Variants in CLASRP observed in about 807,000 individuals in gnomAD.
The protein encoded by CLASRP is CLK4-associating serine/arginine rich protein.
Under a neutral mutation model 99.9 loss-of-function variants are expected in CLASRP, and 52 were observed. The ratio of observed to expected loss-of-function variants is 0.52; its 90% CI spans 0.42 to 0.66. The LOEUF is 0.66. Among genes scored for constraint, CLASRP ranks in the 30% least tolerant of loss-of-function variants. The probability of loss-of-function intolerance (pLI) is 0.00; values close to 1 mark genes in which losing one functional copy is unlikely to be tolerated. For synonymous variants in CLASRP, 379 were observed against 373.0 expected, an observed-to-expected ratio of 1.02 and a Z score of -0.18; for missense variants, 848 against 999.2, an observed-to-expected ratio of 0.85 and a Z score of 2.04.
intron 2 of CLASRP, among the ~76,000 whole-genome samples, chr19:45,043,601 C>T (rs1568410569): frequency 6.6e-6 from 1 of 151,974 alleles, no homozygotes. Flanking sequence ...ATTGATCCTT[C>T]GCAGGCACCC....
rs79997129 is a variant in CLASRP at position 45,057,725 on chromosome 19, T to G, written c.465-25T>G. On this transcript the variant is annotated intron_variant, in intron 6 of 20. Transcript: ENST00000221455. ...CCCTCATCTCCACTGGGCACGGCCC[T>G]GGCTTACCAGCTCCCCTTTCTCAGG... 3,755 of 1,613,418 alleles carry G rather than the reference T, an allele frequency of 2.3e-3. 82 individuals are homozygous for G. In the African/African-American group the frequency reaches 0.043, roughly 18 times the overall value.
chr19:45,068,200 T>A, intron 15 of CLASRP, 146 bp downstream of exon 15: 1 of 721,096 alleles, frequency 1.4e-6, no homozygotes, highest in Non-Finnish European at 2.5e-6. Context: ...TCTGCCCCTG[T>A]GAGAACCATG....
chr19:45,043,120 T>G (rs1290100075), intron 2 of CLASRP, among the ~76,000 whole-genome samples: 1 of 151,990 alleles, frequency 6.6e-6, no homozygotes, highest in Non-Finnish European at 1.5e-5. Context: ...TATCTCATTA[T>G]GAATAGACAA....
chr19:45,063,560 C>T (rs1296581572), intron 11 of CLASRP, among the ~76,000 whole-genome samples: 1 of 150,182 alleles, frequency 6.7e-6, no homozygotes, highest in African/African-American at 2.4e-5. Flanking sequence ...GTTCTCGTGC[C>T]CTCAGCCTCC....
In CLASRP at chr19:45,063,919, C is replaced by T; in HGVS notation, c.906-93C>T. 3 of 1,474,642 alleles carry T rather than the reference C, an allele frequency of 2.0e-6. 1 individual carries two copies. The South Asian group carries it at 4.1e-5, about 20-fold the overall frequency. The allele number at this position is 1,474,642 out of a possible 1,614,324, so 91.3% of individuals were successfully genotyped here. ...GCCTGGTTTCCCGGGTCGCTGTGGC[C>T]CGCGCTGGCGCTGCTGTTGATCTGC... On this transcript the variant is annotated intron_variant, in intron 11 of 20. Coordinates refer to ENST00000221455, the MANE Select transcript of CLASRP (RefSeq NM_007056.3).
chr19:45,070,399 A>G, intron 19 of CLASRP, 138 bp from the exon 20 acceptor site: 1 of 797,138 alleles, frequency 1.3e-6, no homozygotes, highest in East Asian at 2.4e-5. Flanking sequence ...CACAGATGGC[A>G]GCCACTGGAC....
intron 2 of CLASRP, among the ~76,000 whole-genome samples, chr19:45,046,841 A>G (rs1971926264): frequency 6.6e-6 from 1 of 152,198 alleles, no homozygotes; most frequent in Non-Finnish European, 1.5e-5. Flanking sequence ...CAGCCTGACC[A>G]ACATGGAGAA....
chr19:45,039,554 A>G (rs553034402), intron 1 of CLASRP: 2 of 152,010 alleles, frequency 1.3e-5, no homozygotes, highest in Non-Finnish European at 2.9e-5. Context: ...CCACCCCGCC[A>G]TCTAGATCCC....
chr19:45,059,173 C>T (rs1485084693), intron 7 of CLASRP, 95 bp from the exon 8 acceptor site: 29 of 980,400 alleles, frequency 3.0e-5, no homozygotes, highest in Admixed American at 8.1e-5. Flanking sequence ...CTCAGTCTGG[C>T]GGGCGCCCCA....
At chr19:45,057,727 G>T in intron 6 of CLASRP, 23 bp from the exon 7 acceptor site, 1 of 1,613,508 alleles carries the variant, frequency 6.2e-7, no homozygotes, top group Non-Finnish European at 8.5e-7. Context: ...CACGGCCCTG[G>T]CTTACCAGCT....
In CLASRP at chr19:45,062,187, C is replaced by T. The variant is rs761369068; in HGVS notation, c.897C>T (p.Pro299=). The change falls in exon 11 of 21, where the codon CCC becomes CCT. Residue 299 remains proline, a synonymous_variant. Coordinates refer to ENST00000221455, the MANE Select transcript of CLASRP (RefSeq NM_007056.3). ...GCCGAGACAGCCCCACCTATGACCC[C>T]TATAAGCGGTAAGTTGCTCTGGAGG... The part of the protein sequence containing the change: ...YARRDSPTYD[P]YKRSPSESSS... 3.8e-5 allele frequency: 58 copies of T among 1,534,974 alleles called. No homozygotes were observed. Among genetic ancestry groups the T allele is most frequent in the Admixed American group, 8.4e-5 (5 of 59,880 alleles).
rs551343331 is a variant in CLASRP at position 45,060,997 on chromosome 19, C to T, written c.863+370C>T. Among the ~76,000 whole-genome samples the T allele has an allele frequency of 2.0e-5, 3 of 152,302 alleles. No homozygotes were observed. Among genetic ancestry groups the T allele is most frequent in the East Asian group, 1.9e-4 (1 of 5,182 alleles). On this transcript the variant is annotated intron_variant, in intron 10 of 20. Coordinates refer to ENST00000221455, the MANE Select transcript of CLASRP (RefSeq NM_007056.3). This position sits in a 1 kb window ranked among gnomAD's most constrained non-coding sequence, Gnocchi z 4.6. ...GTCGGAGTTTGGACAAGTGACTTCC[C>T]GAACTCTCTGAGCTTCAATTTTTTC...
chr19:45,042,131 C>G (rs1185121496), intron 2 of CLASRP, among the ~76,000 whole-genome samples: 1 of 152,170 alleles, frequency 6.6e-6, no homozygotes, highest in Non-Finnish European at 1.5e-5. Flanking sequence ...CACCTCAGGT[C>G]AAGAGTTTGA....
In CLASRP at chr19:45,069,645, A is replaced by C. The variant is rs1451754370; in HGVS notation, c.1875-377A>C. 17 of 444,212 alleles carry C rather than the reference A, an allele frequency of 3.8e-5. No individual in the cohort carries two copies. In the East Asian group the frequency reaches 7.2e-4, roughly 19 times the overall value. The allele number at this position is 444,212 out of a possible 1,614,324, so 27.5% of individuals were successfully genotyped here. On this transcript the variant is annotated intron_variant, in intron 18 of 20. Coordinates refer to ENST00000221455, the MANE Select transcript of CLASRP (RefSeq NM_007056.3). ...CTGTCCCACCTCACAGGCTGTTGGG[A>C]GGATTTGACAAGATCAAGGCCAGGC...
Position 45,067,901 on chromosome 19 carries a change from T to G in CLASRP, c.1668-114T>G. The G allele has an allele frequency of 1.2e-6, 1 of 823,636 alleles. No individual in the cohort carries two copies. The highest frequency in any genetic ancestry group is 2.1e-6 in the Non-Finnish European group (1 of 473,926). The allele number at this position is 823,636 out of a possible 1,614,324, so 51.0% of individuals were successfully genotyped here. ...AGGGACATGGTTGCACCCTGGGGCA[T>G]CTGAGGCCCATGCCTTGGCTACCTG... On this transcript the variant is annotated intron_variant, in intron 14 of 20. Coordinates refer to ENST00000221455, the MANE Select transcript of CLASRP (RefSeq NM_007056.3). The surrounding 1 kb of genome is among the most constrained non-coding windows in gnomAD (Gnocchi z 4.9).
At chr19:45,045,804 G>A (rs929477324) in intron 2 of CLASRP, among the ~76,000 whole-genome samples, 3 of 152,056 alleles carry the variant, frequency 2.0e-5, no homozygotes, top group Non-Finnish European at 2.9e-5. Context: ...CGTCGCTATC[G>A]CTCAGTAAAT....
Position 45,070,829 on chromosome 19 carries a change from C to T in CLASRP, c.2009C>T (p.Pro670Leu), listed in dbSNP as rs778380416. The T allele has an allele frequency of 1.1e-5, 17 of 1,610,484 alleles. No homozygotes were observed. The highest frequency in any genetic ancestry group is 6.7e-5 in the African/African-American group (5 of 74,822). Residue 670 changes from proline (P) to leucine (L), a missense_variant, in exon 21 of 21, where the codon CCC (proline) becomes CTC (leucine). Physicochemically the swap from Pro to Leu is moderately conservative, Grantham distance 98. This residue lies in a region of CLASRP where 116 missense variants were observed against 162.7 expected (regional missense o/e 0.71). Coordinates refer to ENST00000221455, the MANE Select transcript of CLASRP (RefSeq NM_007056.3). ...RRRSRSRSRSPHYRH is the reference protein window; with the variant it reads ...RRRSRSRSRSLHYRH ...CGCTCAAGGTCCCGATCCCGAAGCC[C>T]CCATTACCGACATTAGGCAGAAGAG...
At chr19:45,053,265 C>T (rs996499408) in intron 5 of CLASRP, 88 bp downstream of exon 5, 5 of 1,331,312 alleles carry the variant, frequency 3.8e-6, no homozygotes, top group African/African-American at 1.4e-5. Context: ...AAGTTTTATC[C>T]ACATACTTTC....
At chr19:45,040,590 G>C in intron 2 of CLASRP, 1 of 284,536 alleles carries the variant, frequency 3.5e-6, no homozygotes, top group Non-Finnish European at 7.1e-6. Context: ...CCTGACGTTA[G>C]ACTGGCCACC....
Sources: allele counts gnomAD v4.1 joint callset (sites outside exome capture counted in the v4.1 genomes callset), GRCh38; gene constraint gnomAD v4.1.1; regional missense constraint gnomAD v4.1.1; non-coding constraint Gnocchi (gnomAD v3.1); transcripts MANE v1.5; gene names NCBI Gene and HGNC (gene_info 2026-07-23, HGNC 2026-07-21).